The following NTAQ1 variants were observed in gnomAD, a reference collection of about 807,000 sequenced individuals.
The protein encoded by NTAQ1 is protein N-terminal glutamine amidohydrolase.
A neutral mutation model predicts 28.2 loss-of-function variants in NTAQ1; 21 were observed. The observed-to-expected ratio is 0.74, with a 90% CI of 0.53 to 1.07. The LOEUF (loss-of-function observed/expected upper bound fraction) is 1.07, where lower values mean the gene tolerates loss of function less well. Ranked by LOEUF, NTAQ1 falls within the 50% of genes least tolerant of loss-of-function variation. The pLI is 0.00. For synonymous variants in NTAQ1, 105 were observed against 90.0 expected (o/e 1.17, Z -0.94); for missense variants, 264 against 256.6 (o/e 1.03, Z -0.20).
chr8:123,416,785 G>A lies in NTAQ1; in HGVS notation c.-65G>A. 2.1e-6 allele frequency: 3 copies of A among 1,435,714 alleles called. No individual in the cohort carries two copies. Among genetic ancestry groups the A allele is most frequent in the Non-Finnish European group, 9.2e-7 (1 of 1,086,524 alleles). 88.9% of individuals were successfully genotyped at this position (1,435,714 alleles called of 1,614,324 possible). Reference sequence around the variant, plus strand: ...AACCCACGCGGGCCACTACAAGCCCGCCCTTTCCTACGTCTGGTCCAGTCG... The same window carrying A: ...AACCCACGCGGGCCACTACAAGCCCACCCTTTCCTACGTCTGGTCCAGTCG... On this transcript the variant is annotated 5_prime_UTR_variant, in exon 1 of 6. Transcript: ENST00000287387.
chr8:123,455,265 T>G (rs1815614599), intron 6 of NTAQ1, among the ~76,000 whole-genome samples: 1 of 152,008 alleles, frequency 6.6e-6, no homozygotes, highest in Admixed American at 6.6e-5. Flanking sequence ...CCGCCATGGC[T>G]GCTTGGTTCG....
rs187339365 is a variant in NTAQ1, at chr8:123,455,283, A to G, written c.373-11796A>G. 2.4e-3 allele frequency among the ~76,000 whole-genome samples: 368 copies of G among 152,216 alleles called. 2 individuals carry two copies. The highest frequency in any genetic ancestry group is 0.01 in the Middle Eastern group (3 of 294). The stretch of plus-strand genomic sequence containing the variant: ...CCATGGCTGCTTGGTTCGTGGGCCT[A>G]CAGTATAAACATGGGCACTGTCGGT... On this transcript the variant is annotated intron_variant, in intron 6 of 6. Transcript: ENST00000650311.
At chr8:123,443,859 C>T (rs1232446355), downstream of NTAQ1, among the ~76,000 whole-genome samples, 1 of 152,156 alleles carries the variant, frequency 6.6e-6, no homozygotes, top group East Asian at 1.9e-4. Flanking sequence ...AGGTGTGAGC[C>T]ACTGCGCCTG....
intron 5 of NTAQ1, among the ~76,000 whole-genome samples, chr8:123,437,847 A>C (rs899106013): frequency 7.9e-5 from 12 of 152,206 alleles, no homozygotes; most frequent in African/African-American, 2.9e-4. Context: ...CATGTGGGAG[A>C]GGAAGGGTGT....
intron 6 of NTAQ1, among the ~76,000 whole-genome samples, chr8:123,457,708 G>A (rs1815688521): frequency 6.6e-6 from 1 of 152,094 alleles, no homozygotes; most frequent in African/African-American, 2.4e-5. Flanking sequence ...GTGTTTTTAA[G>A]TGTTGTAAGC....
At chr8:123,437,472 G>A (rs11987798) in intron 5 of NTAQ1, 138 bp downstream of exon 5, 451,272 of 1,262,514 alleles carry the variant, frequency 0.36, 82,064 homozygotes, top group East Asian at 0.57. Flanking sequence ...GGGAGGCCGA[G>A]GTGGGCGGAT....
At chr8:123,416,748 C>T (rs1242274081), upstream of NTAQ1, 36 of 1,205,494 alleles carry the variant, frequency 3.0e-5, no homozygotes, top group Middle Eastern at 2.5e-4. Context: ...GCTCCGCCCA[C>T]CCCACGCCGG....
chr8:123,474,711 C>T (rs547109556), downstream of NTAQ1, among the ~76,000 whole-genome samples: 6 of 152,232 alleles, frequency 3.9e-5, no homozygotes, highest in African/African-American at 1.4e-4. Context: ...TCGAGACCAG[C>T]CTGGCCAACA....
At chr8:123,424,508 C>T (rs1055677633) in intron 1 of NTAQ1, among the ~76,000 whole-genome samples, 1 of 152,106 alleles carries the variant, frequency 6.6e-6, no homozygotes, top group African/African-American at 2.4e-5. Context: ...TCCCAGAGTG[C>T]TGGGATTACA....
At chr8:123,469,829 CTA>C (rs2130445195) in exon 7 of NTAQ1, among the ~76,000 whole-genome samples, 1 of 152,342 alleles carries the variant, frequency 6.6e-6, no homozygotes, top group South Asian at 2.1e-4. Context: ...GTCTGTGAGT[CTA>C]TGCAGAATCT....
chr8:123,448,777 A>G (rs979292285), downstream of NTAQ1, among the ~76,000 whole-genome samples: 2 of 152,220 alleles, frequency 1.3e-5, no homozygotes, highest in Non-Finnish European at 2.9e-5. Flanking sequence ...CATGAGGTTC[A>G]GGAGCCTTGT....
chr8:123,427,982 GA>G lies in NTAQ1; in HGVS notation c.144del (p.Glu49AsnfsTer13). The G allele has an allele frequency of 6.2e-7, 1 of 1,611,448 alleles. No homozygotes were observed. Among genetic ancestry groups the G allele is most frequent in the Non-Finnish European group, 8.5e-7 (1 of 1,179,234 alleles). ...CAAAAACCATGACCAGTATCCTTTA[GA>G]AGAATGTTATGCTGTCTTCATATCT... The part of the protein sequence containing the change: ...YIKNHDQYPL[E>X]ECYAVFISNE... On this transcript the variant is annotated frameshift_variant, in exon 2 of 6. Coordinates refer to ENST00000287387, the MANE Select transcript of NTAQ1 (RefSeq NM_018024.3). LOFTEE classifies it high-confidence loss of function.
At chr8:123,452,305 T>C (rs1007495765), downstream of NTAQ1, among the ~76,000 whole-genome samples, 6 of 152,254 alleles carry the variant, frequency 3.9e-5, no homozygotes, top group East Asian at 1.9e-4. Flanking sequence ...TTTAATAACA[T>C]CCATTTATTG....
chr8:123,451,513 A>G (rs1268980397), downstream of NTAQ1, among the ~76,000 whole-genome samples: 4 of 151,538 alleles, frequency 2.6e-5, no homozygotes, highest in Admixed American at 6.6e-5. Flanking sequence ...TAATTTTTGT[A>G]TTTTTATTAG....
chr8:123,464,715 G>T (rs1815921011), intron 6 of NTAQ1, among the ~76,000 whole-genome samples: 1 of 152,228 alleles, frequency 6.6e-6, no homozygotes, highest in East Asian at 1.9e-4. Context: ...CCCAGGGTTT[G>T]TTGGGGCAAG....
downstream of NTAQ1, among the ~76,000 whole-genome samples, chr8:123,449,911 ATGTGTGTGTATATATATATG>A (rs1815426381): frequency 1.1e-5 from 1 of 88,196 alleles, no homozygotes; most frequent in Non-Finnish European, 2.1e-5. Flanking sequence ...ATATGTATAT[ATGTGTGTGTATATATATATG>A]TGTGTGTGTG....
At chr8:123,442,989 A>T (rs1815137589), downstream of NTAQ1, among the ~76,000 whole-genome samples, 1 of 147,522 alleles carries the variant, frequency 6.8e-6, no homozygotes. Context: ...AAATTTCTGC[A>T]TAAACTGCCC....
intron 1 of NTAQ1, among the ~76,000 whole-genome samples, chr8:123,425,469 C>A (rs531524141): frequency 0.019 from 2,843 of 151,364 alleles, 103 homozygotes; most frequent in African/African-American, 0.065. Context: ...CCCACCCCCC[C>A]ACTTTTTTTT....
chr8:123,443,957 A>G (rs1284368884), downstream of NTAQ1, among the ~76,000 whole-genome samples: 1 of 151,982 alleles, frequency 6.6e-6, no homozygotes, highest in Non-Finnish European at 1.5e-5. Flanking sequence ...TAACTGAAAG[A>G]TAGGTTTTCT....
Sources: gnomAD v4.1 joint callset for allele counts (sites outside exome capture counted in the v4.1 genomes callset) on GRCh38, gnomAD v4.1.1 for gene constraint, MANE v1.5 for transcripts, NCBI Gene and HGNC (gene_info 2026-07-23, HGNC 2026-07-21) for gene names.